Variants in OPCML observed in about 807,000 individuals in gnomAD.
OPCML encodes the protein opioid-binding protein/cell adhesion molecule.
OPCML carries 13 observed loss-of-function variants against 37.8 expected under a neutral mutation model. The ratio of observed to expected loss-of-function variants is 0.34; its 90% confidence interval spans 0.22 to 0.55. OPCML has a LOEUF of 0.55. Ranked by LOEUF, OPCML falls within the 20% of genes least tolerant of loss-of-function variation. The pLI is 0.91. For synonymous variants in OPCML, 176 were observed against 168.8 expected, an observed-to-expected ratio of 1.04 and a Z score of -0.33; for missense variants, 341 against 435.6, an observed-to-expected ratio of 0.78 and a Z score of 1.93.
At chr11:133,248,398 G>A (rs1425937148) in intron 1 of OPCML, among the ~76,000 whole-genome samples, 2 of 152,244 alleles carry the variant, frequency 1.3e-5, no homozygotes, top group East Asian at 1.9e-4. Flanking sequence ...CAGATAGCCT[G>A]CTGGTGGTGG....
intron 1 of OPCML, among the ~76,000 whole-genome samples, chr11:133,426,398 CACA>C (rs1010083151): frequency 9.2e-5 from 14 of 152,116 alleles, no homozygotes; most frequent in African/African-American, 2.7e-4. Flanking sequence ...CACACACACA[CACA>C]ACAACTCCCC....
chr11:133,498,628 T>C (rs1947838009), intron 1 of OPCML, among the ~76,000 whole-genome samples: 1 of 152,150 alleles, frequency 6.6e-6, no homozygotes, highest in Non-Finnish European at 1.5e-5. Context: ...ACAAGTGCGG[T>C]CTCAGCTGCA....
In OPCML at chr11:133,090,089, C is replaced by G. The variant is rs115416474; in HGVS notation, c.62-147079G>C. Among the ~76,000 whole-genome samples the G allele has an allele frequency of 3.5e-3, 527 of 152,288 alleles. 9 individuals are homozygous for G. The highest frequency in any genetic ancestry group is 8.6e-3 in the African/African-American group (356 of 41,554). On this transcript the variant is annotated intron_variant, in intron 1 of 7. Transcript: ENST00000524381. ...TCTCTACTAGGCCTTGTCGTTGGCT[C>G]GGTTTTAGCCAAGAATCCTGCTGAG...
At chr11:132,604,012 C>G (rs1342475146) in intron 3 of OPCML, among the ~76,000 whole-genome samples, 1 of 152,154 alleles carries the variant, frequency 6.6e-6, no homozygotes, top group Non-Finnish European at 1.5e-5. Flanking sequence ...CCAACTCCAC[C>G]AGGTCAGGGC....
intron 2 of OPCML, among the ~76,000 whole-genome samples, chr11:132,679,494 A>T (rs974817535): frequency 6.6e-6 from 1 of 152,222 alleles, no homozygotes; most frequent in Non-Finnish European, 1.5e-5. Context: ...ACAACAAAAG[A>T]TCTCCTATTG....
chr11:133,479,210 C>G (rs1013605255), intron 1 of OPCML, among the ~76,000 whole-genome samples: 4 of 152,182 alleles, frequency 2.6e-5, no homozygotes, highest in Non-Finnish European at 5.9e-5. Flanking sequence ...CTCAGCCTAC[C>G]TCAGACCCAT....
chr11:133,039,811 C>A (rs896615580), intron 1 of OPCML, among the ~76,000 whole-genome samples: 1 of 152,040 alleles, frequency 6.6e-6, no homozygotes, highest in African/African-American at 2.4e-5. Context: ...GGGCACATCA[C>A]GAGGTCAGGA....
At chr11:132,895,058 T>A (rs567395174) in intron 2 of OPCML, among the ~76,000 whole-genome samples, 2 of 152,176 alleles carry the variant, frequency 1.3e-5, no homozygotes, top group African/African-American at 4.8e-5. Context: ...GTTCTAGAGG[T>A]TTTCATAATT....
intron 2 of OPCML, among the ~76,000 whole-genome samples, chr11:132,752,847 T>C (rs1472551458): frequency 6.6e-6 from 1 of 152,142 alleles, no homozygotes; most frequent in Non-Finnish European, 1.5e-5. Context: ...TGAGGAATTT[T>C]AGGTCTCTCA....
At chr11:132,632,984 A>T (rs1302182510) in intron 3 of OPCML, among the ~76,000 whole-genome samples, 1 of 150,864 alleles carries the variant, frequency 6.6e-6, no homozygotes, top group African/African-American at 2.4e-5. Flanking sequence ...TGACGAATTT[A>T]TTCCCTGAGT....
At chr11:132,923,455 A>G (rs1016472887) in intron 2 of OPCML, among the ~76,000 whole-genome samples, 8 of 152,190 alleles carry the variant, frequency 5.3e-5, no homozygotes, top group Middle Eastern at 3.2e-3. Flanking sequence ...GAAAATATTA[A>G]CAAATTGGAA....
intron 1 of OPCML, among the ~76,000 whole-genome samples, chr11:133,030,516 G>A (rs994979398): frequency 6.9e-4 from 105 of 152,166 alleles, no homozygotes; most frequent in African/African-American, 2.4e-3. Context: ...TGTCCCATCC[G>A]TCTAACAGAA....
intron 3 of OPCML, among the ~76,000 whole-genome samples, chr11:132,591,231 G>T (rs1291154763): frequency 6.6e-6 from 1 of 152,286 alleles, no homozygotes; most frequent in South Asian, 2.1e-4. Context: ...AGACAGAGAC[G>T]GGTGTGAGGA....
At chr11:132,841,799 T>C (rs1941297257) in intron 2 of OPCML, among the ~76,000 whole-genome samples, 1 of 140,802 alleles carries the variant, frequency 7.1e-6, no homozygotes, top group Non-Finnish European at 1.5e-5. Context: ...AGCAAGAGGT[T>C]TCAGTGAACC....
intron 1 of OPCML, among the ~76,000 whole-genome samples, chr11:133,497,877 G>A (rs1172727073): frequency 6.6e-6 from 1 of 152,152 alleles, no homozygotes; most frequent in Non-Finnish European, 1.5e-5. Flanking sequence ...TCTGAGTCCC[G>A]GCAAATTAAC....
intron 3 of OPCML, among the ~76,000 whole-genome samples, chr11:132,589,315 T>A (rs775035964): frequency 6.6e-6 from 1 of 152,198 alleles, no homozygotes; most frequent in Non-Finnish European, 1.5e-5. Flanking sequence ...TCCATGTGGA[T>A]GCTATAAAAA....
Position 133,263,528 on chromosome 11 carries a change from A to G in OPCML, c.61+268736T>C, listed in dbSNP as rs528770270. 5.3e-5 allele frequency among the ~76,000 whole-genome samples: 8 copies of G among 152,222 alleles called. No individual in the cohort carries two copies. In the East Asian group the frequency reaches 1.5e-3, roughly 29 times the overall value. ...AGGCTGTACCTTCTAGGTGTGTTTA[A>G]GTGTACTCTATGGTGTTTGCACAGT... On this transcript the variant is annotated intron_variant, in intron 1 of 7. Coordinates refer to ENST00000524381, the MANE Select transcript of OPCML (RefSeq NM_001012393.5).
intron 1 of OPCML, among the ~76,000 whole-genome samples, chr11:133,513,668 G>GGCCTTGTCTTAGACATCTC (rs1205436462): frequency 6.6e-6 from 1 of 152,130 alleles, no homozygotes; most frequent in African/African-American, 2.4e-5. Context: ...CAAGGAGAGT[G>GGCCTTGTCTTAGACATCTC]GCCTTGTCTT....
At chr11:132,479,861 A>C (rs1233855790) in intron 4 of OPCML, among the ~76,000 whole-genome samples, 1 of 152,120 alleles carries the variant, frequency 6.6e-6, no homozygotes, top group African/African-American at 2.4e-5. Flanking sequence ...CGCACAAAAA[A>C]CCCATCTGTA....
Sources: allele counts gnomAD v4.1 joint callset (sites outside exome capture counted in the v4.1 genomes callset), GRCh38; gene constraint gnomAD v4.1.1; transcripts MANE v1.5; gene names NCBI Gene and HGNC (gene_info 2026-07-23, HGNC 2026-07-21).